Variants in UNC5B observed in about 807,000 individuals in gnomAD.
The protein encoded by UNC5B is unc-5 netrin receptor B.
Under a neutral mutation model 103.7 loss-of-function variants are expected in UNC5B, and 56 were observed. The observed-to-expected ratio is 0.54, with a 90% CI of 0.44 to 0.67. The LOEUF (loss-of-function observed/expected upper bound fraction) is 0.67. Among genes scored for constraint, UNC5B ranks in the 30% least tolerant of loss-of-function variants. The pLI is 0.00. For missense variants in UNC5B, 1,194 were observed against 1,284.5 expected (o/e 0.93, Z 1.08); for synonymous variants, 577 against 542.0 (o/e 1.06, Z -0.90).
chr10:71,295,768 C>T (rs757910211), intron 13 of UNC5B, 43 bp from the exon 14 acceptor site: 13 of 1,594,894 alleles, frequency 8.2e-6, no homozygotes, highest in African/African-American at 1.3e-5. Context: ...GGCCCATTGG[C>T]CAGGTGTGAT....
At chr10:71,277,201 G>A (rs1003093070) in intron 1 of UNC5B, among the ~76,000 whole-genome samples, 3 of 152,252 alleles carry the variant, frequency 2.0e-5, no homozygotes, top group African/African-American at 4.8e-5. Context: ...CTGTCACCCC[G>A]GGGCTGGGGG....
Position 71,220,636 on chromosome 10 carries a change from G to A in UNC5B, c.79+7572G>A, listed in dbSNP as rs546534581. 2.0e-5 allele frequency among the ~76,000 whole-genome samples: 3 copies of A among 152,272 alleles called. No individual in the cohort carries two copies. The East Asian group carries it at 5.8e-4, about 29-fold the overall frequency. ...TCCATTTTCTCATCTGTAAAATGGG[G>A]GTAATAATAACATCATCCTCAGAAT... is the stretch of plus-strand genomic sequence containing the variant. On this transcript the variant is annotated intron_variant, in intron 1 of 16. Coordinates refer to ENST00000335350, the MANE Select transcript of UNC5B (RefSeq NM_170744.5).
chr10:71,295,806 C>T lies in UNC5B; in HGVS notation c.2176-5C>T, dbSNP rs760626557. On this transcript the variant is annotated splice_polypyrimidine_tract_variant and splice_region_variant and intron_variant, in intron 13 of 16. Transcript: ENST00000335350. ...GTTCCCCTTCCCCATGCCCCTGGCCCACAGGAGGTGCTGGAGCTGGAGCGG... is the reference window on the plus strand; with the variant it reads ...GTTCCCCTTCCCCATGCCCCTGGCCTACAGGAGGTGCTGGAGCTGGAGCGG... The T allele has an allele frequency of 2.5e-6, 4 of 1,611,598 alleles. No individual in the cohort carries two copies. Among genetic ancestry groups the T allele is most frequent in the Non-Finnish European group, 3.4e-6 (4 of 1,179,520 alleles).
At chr10:71,295,228 T>G (rs1454131511) in intron 13 of UNC5B, among the ~76,000 whole-genome samples, 1 of 152,188 alleles carries the variant, frequency 6.6e-6, no homozygotes, top group African/African-American at 2.4e-5. Context: ...TGCAGCTGGA[T>G]CTCTTGGTCC....
rs192447281 is a variant in UNC5B, at chr10:71,293,564, C to T, written c.1932C>T (p.Gly644=). The T allele has an allele frequency of 2.0e-4, 318 of 1,613,836 alleles. No individual in the cohort carries two copies. The East Asian group carries it at 6.7e-3, about 34-fold the overall frequency. The change falls in exon 12 of 17, where the codon GGC becomes GGT. Residue 644 remains glycine, a synonymous_variant. Coordinates refer to ENST00000335350, the MANE Select transcript of UNC5B (RefSeq NM_170744.5). ...IFQLKTQAHQ[G]HWEEVVTLDE... ...AGCTCAAGACCCAGGCCCACCAGGGCCACTGGGAGGTGAGGAGCCACGGTG... is the reference window on the plus strand; with the variant it reads ...AGCTCAAGACCCAGGCCCACCAGGGTCACTGGGAGGTGAGGAGCCACGGTG...
chr10:71,228,659 C>T (rs1036582542), intron 1 of UNC5B, among the ~76,000 whole-genome samples: 3 of 152,242 alleles, frequency 2.0e-5, no homozygotes, highest in African/African-American at 7.2e-5. Context: ...CTACAAGATA[C>T]CATTTCTCAT....
In UNC5B at chr10:71,287,731, A is replaced by G; in HGVS notation, c.867A>G (p.Ala289=). The change falls in exon 6 of 17, where the codon GCA becomes GCG. Residue 289 remains alanine (A), a synonymous_variant. Coordinates refer to ENST00000335350, the MANE Select transcript of UNC5B (RefSeq NM_170744.5). ...LNGGAFCEGQ[A]FQKTACTTIC... ...GAGGGGCCTTCTGCGAGGGCCAGGC[A>G]TTCCAGAAGACCGCCTGCACCACCA... The G allele has an allele frequency of 6.2e-7, 1 of 1,612,882 alleles. No homozygotes were observed. Among genetic ancestry groups the G allele is most frequent in the Non-Finnish European group, 8.5e-7 (1 of 1,179,366 alleles).
intron 16 of UNC5B, among the ~76,000 whole-genome samples, 192 bp from the exon 17 acceptor site, chr10:71,298,920 T>A (rs1320705609): frequency 6.6e-6 from 1 of 152,180 alleles, no homozygotes; most frequent in Non-Finnish European, 1.5e-5. Context: ...ACAAGGAGAC[T>A]GAGATTCTGA....
rs574731883 is a variant in UNC5B, at chr10:71,215,921, T to C, written c.79+2857T>C. ...CTGCACTCACTGTAGCAAACACCCA[T>C]CTCACTTAAACAAATGGAAAATCAA... is the stretch of plus-strand genomic sequence containing the variant. On this transcript the variant is annotated intron_variant, in intron 1 of 16. Coordinates refer to ENST00000335350, the MANE Select transcript of UNC5B (RefSeq NM_170744.5). Among the ~76,000 whole-genome samples, 3 of 152,196 alleles carry C rather than the reference T, an allele frequency of 2.0e-5. No individual in the cohort carries two copies. The South Asian group carries it at 6.2e-4, about 32-fold the overall frequency.
chr10:71,293,633 A>G (rs898884643), intron 12 of UNC5B, 60 bp downstream of exon 12: 3 of 1,609,000 alleles, frequency 1.9e-6, no homozygotes, highest in Non-Finnish European at 2.5e-6. Context: ...AGGCAAAAGA[A>G]AGCCCTTTTC....
chr10:71,288,472 A>G (rs757952115), intron 6 of UNC5B, 96 bp from the exon 7 acceptor site: 1 of 1,507,328 alleles, frequency 6.6e-7, no homozygotes, highest in Non-Finnish European at 8.9e-7. Flanking sequence ...GTGTGTATGC[A>G]TGCATGTGTG....
intron 1 of UNC5B, among the ~76,000 whole-genome samples, chr10:71,278,633 G>T (rs180689055): frequency 6.6e-6 from 1 of 152,214 alleles, no homozygotes; most frequent in East Asian, 1.9e-4. Flanking sequence ...CTGTAGGGGG[G>T]ACTCCCTAGA....
rs963750420 is a variant in UNC5B, at chr10:71,214,309, G to A, written c.79+1245G>A. On this transcript the variant is annotated intron_variant, in intron 1 of 16. Coordinates refer to ENST00000335350, the MANE Select transcript of UNC5B (RefSeq NM_170744.5). ...CTGGAATTAGTGATTCCCACGGCCA[G>A]GAGTGAGGGCTTGGCTTTAGCACAT... 4.4e-4 allele frequency among the ~76,000 whole-genome samples: 67 copies of A among 151,796 alleles called. 1 individual carries two copies. Among genetic ancestry groups the A allele is most frequent in the African/African-American group, 1.5e-3 (62 of 41,444 alleles).
chr10:71,294,862 G>A lies in UNC5B; in HGVS notation c.2175+929G>A, dbSNP rs1195983760. Among the ~76,000 whole-genome samples the A allele has an allele frequency of 2.6e-5, 4 of 152,108 alleles. No homozygotes were observed. In the East Asian group the frequency reaches 7.7e-4, roughly 29 times the overall value. ...ACCACTGTCCCCTGCCAGCCTCAGA[G>A]CCCTTGTGCATTCCCCCAAGTTCTC... On this transcript the variant is annotated intron_variant, in intron 13 of 16. Coordinates refer to ENST00000335350, the MANE Select transcript of UNC5B (RefSeq NM_170744.5).
In UNC5B at chr10:71,300,084, G is replaced by GGA. The variant is rs1220409872; in HGVS notation, c.*816_*817dup. On this transcript the variant is annotated 3_prime_UTR_variant, in exon 17 of 17. Coordinates refer to ENST00000335350, the MANE Select transcript of UNC5B (RefSeq NM_170744.5). ...GTGTACATGTACGCGTGTGCATTGAGGAGAGAGAGACTGAACAGAGAGTAC... is the reference window on the plus strand; with the variant it reads ...GTGTACATGTACGCGTGTGCATTGAGGAGAGAGAGAGACTGAACAGAGAGTAC... The GGA allele has an allele frequency of 6.6e-6, 1 of 151,530 alleles. No homozygotes were observed. The highest frequency in any genetic ancestry group is 1.5e-5 in the Non-Finnish European group (1 of 68,016). 9.4% of individuals were successfully genotyped at this position (151,530 alleles called of 1,614,324 possible).
At chr10:71,237,277 C>T (rs1207639036) in intron 1 of UNC5B, among the ~76,000 whole-genome samples, 1 of 152,212 alleles carries the variant, frequency 6.6e-6, no homozygotes. Context: ...TACTACCCTC[C>T]CTGCTTCCAA....
intron 1 of UNC5B, among the ~76,000 whole-genome samples, chr10:71,252,765 AG>A (rs1369081282): frequency 1.3e-5 from 2 of 152,124 alleles, no homozygotes; most frequent in African/African-American, 2.4e-5. Flanking sequence ...ACCTGCAAGG[AG>A]AGGGAAGGCA....
intron 1 of UNC5B, among the ~76,000 whole-genome samples, chr10:71,244,947 A>G (rs985684060): frequency 6.6e-6 from 1 of 152,182 alleles, no homozygotes; most frequent in Non-Finnish European, 1.5e-5. Flanking sequence ...GATGTTCCTC[A>G]CTTCCTGCCT....
At chr10:71,287,500 G>C in intron 5 of UNC5B, 98 bp from the exon 6 acceptor site, 2 of 1,448,978 alleles carry the variant, frequency 1.4e-6, no homozygotes, top group South Asian at 1.4e-5. Context: ...GGAAGGCCAG[G>C]CTTCAGCAGA....
Sources: gnomAD v4.1 joint callset for allele counts (sites outside exome capture counted in the v4.1 genomes callset) on GRCh38, gnomAD v4.1.1 for gene constraint, MANE v1.5 for transcripts, NCBI Gene and HGNC (gene_info 2026-07-23, HGNC 2026-07-21) for gene names.